WASF3: variants seen among roughly 807,000 people sequenced by gnomAD.
WASF3 encodes WASP family member 3.
WASF3 carries 11 observed loss-of-function variants against 46.6 expected under a neutral mutation model. That is an observed-to-expected ratio of 0.24 (90% CI 0.15 to 0.39). The LOEUF is 0.39. Ranked by LOEUF, WASF3 falls within the 10% of genes least tolerant of loss-of-function variation. The pLI, the probability that WASF3 is intolerant of heterozygous loss-of-function variation, is 1.00. For synonymous variants in WASF3, 242 were observed against 259.7 expected, an observed-to-expected ratio of 0.93 and a Z score of 0.65; for missense variants, 576 against 669.8, an observed-to-expected ratio of 0.86 and a Z score of 1.55.
Position 26,682,806 on chromosome 13 carries a change from C to T in WASF3, c.1183C>T (p.Pro395Ser). 6.2e-7 allele frequency: 1 copy of T among 1,610,590 alleles called. No individual in the cohort carries two copies. Among genetic ancestry groups the T allele is most frequent in the Non-Finnish European group, 8.5e-7 (1 of 1,179,802 alleles). The change falls in exon 9 of 10, where the codon CCG (proline) becomes TCG (serine). Residue 395 changes from proline (P) to serine (S), a missense_variant. Transcript: ENST00000335327. The surrounding 1 kb of genome is among the most constrained non-coding windows in gnomAD (Gnocchi z 4.4). Reference protein sequence around the residue: ...PPSTGLLVTAPPPPGPPPPPP... With the variant: ...PPSTGLLVTASPPPGPPPPPP... Reference sequence around the variant, plus strand: ...CTCCACCGGGCTCCTGGTCACAGCCCCGCCACCCCCGGGCCCACCACCTCC... The same window carrying T: ...CTCCACCGGGCTCCTGGTCACAGCCTCGCCACCCCCGGGCCCACCACCTCC...
chr13:26,642,189 C>T, intron 2 of WASF3, 72 bp from the exon 3 acceptor site: 1 of 1,425,084 alleles, frequency 7.0e-7, no homozygotes, highest in Non-Finnish European at 9.3e-7. Flanking sequence ...AGTCAATTTT[C>T]AAGGGAATTA....
chr13:26,605,496 T>G (rs1880766323), intron 1 of WASF3, among the ~76,000 whole-genome samples: 1 of 152,198 alleles, frequency 6.6e-6, no homozygotes, highest in African/African-American at 2.4e-5. Context: ...AAGATGCATT[T>G]TTTTTTAAAC....
intron 4 of WASF3, 35 bp from the exon 5 acceptor site, chr13:26,667,482 T>C (rs767852120): frequency 6.3e-7 from 1 of 1,583,832 alleles, no homozygotes; most frequent in Admixed American, 1.8e-5. Context: ...AAAATATTTC[T>C]ATATAACTCA....
intron 6 of WASF3, 44 bp from the exon 7 acceptor site, chr13:26,676,505 T>C: frequency 6.3e-7 from 1 of 1,592,986 alleles, no homozygotes; most frequent in Non-Finnish European, 8.5e-7. Context: ...TGTTTTCCTT[T>C]CCCTTCTGTC....
At chr13:26,656,248 T>TA (rs1481888627) in intron 3 of WASF3, among the ~76,000 whole-genome samples, 6 of 151,996 alleles carry the variant, frequency 3.9e-5, no homozygotes, top group Admixed American at 6.6e-5. Flanking sequence ...TTTTCCAAAG[T>TA]AAAAAAAAGT....
chr13:26,612,283 C>G (rs683540), intron 1 of WASF3, among the ~76,000 whole-genome samples: 2,073 of 152,220 alleles, frequency 0.014, 53 homozygotes, highest in African/African-American at 0.046. Context: ...CTAAAATTTT[C>G]TTGTATGTAT....
chr13:26,609,107 A>G (rs992510522), intron 1 of WASF3, among the ~76,000 whole-genome samples: 2 of 152,202 alleles, frequency 1.3e-5, no homozygotes, highest in Non-Finnish European at 2.9e-5. Context: ...AGATTAGGAT[A>G]ATATTGATAG....
chr13:26,670,848 C>A (rs1882908192), intron 5 of WASF3, among the ~76,000 whole-genome samples: 1 of 152,086 alleles, frequency 6.6e-6, no homozygotes, highest in Non-Finnish European at 1.5e-5. Context: ...CTAGAATAGC[C>A]CCATAGGCAC....
chr13:26,572,650 C>T (rs531812677), intron 1 of WASF3, among the ~76,000 whole-genome samples: 133 of 152,244 alleles, frequency 8.7e-4, no homozygotes, highest in Non-Finnish European at 1.5e-3. Context: ...ACTGCAACCT[C>T]GGCCTCCCAG....
chr13:26,549,521 A>C, the WASF3 span, among the ~76,000 whole-genome samples: 2 of 152,164 alleles, frequency 1.3e-5, no homozygotes, highest in Non-Finnish European at 2.9e-5. Context: ...AACGTTGAGT[A>C]AAACACAACA....
intron 1 of WASF3, 34 bp downstream of exon 1, chr13:26,557,853 C>T (rs891670766): frequency 3.0e-5 from 9 of 301,330 alleles, no homozygotes; most frequent in Non-Finnish European, 4.9e-5. Context: ...CGGCTCTCCG[C>T]TGTAGGCTGC....
upstream of WASF3, among the ~76,000 whole-genome samples, chr13:26,554,092 C>CTTTCTTTCTTTCTTTCT (rs1443126879): frequency 8.2e-4 from 19 of 23,250 alleles, no homozygotes; most frequent in East Asian, 3.6e-3. Context: ...TCCTTCCTTC[C>CTTTCTTTCTTTCTTTCT]TTCCTTCTTT....
At chr13:26,674,306 C>G (rs61945648) in intron 6 of WASF3, among the ~76,000 whole-genome samples, 26,055 of 152,122 alleles carry the variant, frequency 0.17, 2,568 homozygotes, top group South Asian at 0.26. Context: ...TACACTTGAT[C>G]TTAGCCAAAA....
At chr13:26,545,512 A>G in the WASF3 span, among the ~76,000 whole-genome samples, 4 of 151,768 alleles carry the variant, frequency 2.6e-5, no homozygotes, top group South Asian at 2.1e-4. Flanking sequence ...TATCCTTTCT[A>G]CTTTTATGGT....
intron 1 of WASF3, among the ~76,000 whole-genome samples, chr13:26,564,070 T>A (rs1430466343): frequency 6.6e-6 from 1 of 152,158 alleles, no homozygotes; most frequent in African/African-American, 2.4e-5. Flanking sequence ...TTTTAGTTTT[T>A]CCTTAAATAC....
intron 2 of WASF3, among the ~76,000 whole-genome samples, chr13:26,637,096 CCT>C (rs1881850053): frequency 6.6e-6 from 1 of 152,174 alleles, no homozygotes; most frequent in African/African-American, 2.4e-5. Flanking sequence ...TGCTCTCTTT[CCT>C]CTCTTAGGCC....
intron 2 of WASF3, among the ~76,000 whole-genome samples, chr13:26,634,648 C>T (rs560371744): frequency 1.7e-4 from 26 of 152,164 alleles, no homozygotes; most frequent in South Asian, 2.1e-4. Context: ...CCATGTTTAG[C>T]GCTTCTTTCA....
chr13:26,545,060 A>C, the WASF3 span, among the ~76,000 whole-genome samples: 1 of 152,208 alleles, frequency 6.6e-6, no homozygotes, highest in African/African-American at 2.4e-5. Flanking sequence ...GGCACTGGGC[A>C]TGGCTTGCTC....
chr13:26,661,583 A>T (rs1402794412), intron 3 of WASF3, among the ~76,000 whole-genome samples: 2 of 152,176 alleles, frequency 1.3e-5, no homozygotes, highest in African/African-American at 4.8e-5. Flanking sequence ...GAACATAGGT[A>T]TGCAAATGTC....
Sources: gnomAD v4.1 joint callset for allele counts (sites outside exome capture counted in the v4.1 genomes callset) on GRCh38, gnomAD v4.1.1 for gene constraint, Gnocchi (gnomAD v3.1) non-coding constraint, MANE v1.5 for transcripts, NCBI Gene and HGNC (gene_info 2026-07-23, HGNC 2026-07-21) for gene names.